The following TBC1D22A variants were observed in gnomAD, a reference collection of about 807,000 sequenced individuals.
TBC1D22A encodes TBC1 domain family member 22A, also known as putative GTPase activator.
Under a neutral mutation model 60.2 loss-of-function variants are expected in TBC1D22A, and 38 were observed. The observed-to-expected ratio is 0.63, with a 90% CI of 0.49 to 0.83. TBC1D22A has a LOEUF of 0.83. Among genes scored for constraint, TBC1D22A ranks in the 40% least tolerant of loss-of-function variants. The probability of loss-of-function intolerance (pLI) is 0.00; values close to 1 mark genes in which losing one functional copy is unlikely to be tolerated. For synonymous variants in TBC1D22A, 302 were observed against 281.7 expected (o/e 1.07, Z -0.72); for missense variants, 628 against 701.0 (o/e 0.90, Z 1.18).
intron 5 of TBC1D22A, among the ~76,000 whole-genome samples, chr22:46,889,417 C>T (rs1044461368): frequency 2.0e-5 from 3 of 152,110 alleles, no homozygotes; most frequent in Non-Finnish European, 2.9e-5. Context: ...CATTGCTTGT[C>T]GGAATGTAAA....
chr22:47,025,709 A>G (rs1015514016), intron 10 of TBC1D22A, among the ~76,000 whole-genome samples: 1 of 152,212 alleles, frequency 6.6e-6, no homozygotes. Context: ...TTTACAGGGA[A>G]ACATATAGTA....
At chr22:47,056,839 G>A (rs576040641) in intron 11 of TBC1D22A, among the ~76,000 whole-genome samples, 2 of 152,192 alleles carry the variant, frequency 1.3e-5, no homozygotes, top group Non-Finnish European at 2.9e-5. Context: ...GTGGGGTCAC[G>A]GCATTTTACC....
chr22:46,770,781 T>C (rs1164946233), intron 1 of TBC1D22A, among the ~76,000 whole-genome samples: 1 of 152,252 alleles, frequency 6.6e-6, no homozygotes, highest in Non-Finnish European at 1.5e-5. Flanking sequence ...TATAAATCTG[T>C]ATTGCCTTTT....
intron 12 of TBC1D22A, among the ~76,000 whole-genome samples, chr22:47,151,604 G>A (rs1474837767): frequency 1.3e-5 from 2 of 152,130 alleles, no homozygotes; most frequent in Non-Finnish European, 2.9e-5. Context: ...CCTCACTGGG[G>A]GTCCTGAGCA....
At chr22:46,861,737 C>G (rs541368830) in intron 4 of TBC1D22A, among the ~76,000 whole-genome samples, 1 of 152,236 alleles carries the variant, frequency 6.6e-6, no homozygotes, top group East Asian at 1.9e-4. Flanking sequence ...TTGTGTATCC[C>G]GGCCGCACTG....
At chr22:46,955,216 T>C (rs1015171582) in intron 8 of TBC1D22A, among the ~76,000 whole-genome samples, 9 of 152,210 alleles carry the variant, frequency 5.9e-5, no homozygotes, top group African/African-American at 2.2e-4. Context: ...TTTGATTTGT[T>C]ATTGAAGTGG....
chr22:46,901,258 G>C (rs2068976505), intron 7 of TBC1D22A, among the ~76,000 whole-genome samples: 1 of 152,232 alleles, frequency 6.6e-6, no homozygotes, highest in Non-Finnish European at 1.5e-5. Context: ...GTGGAAGCCA[G>C]GTTTCTCTTT....
intron 11 of TBC1D22A, among the ~76,000 whole-genome samples, chr22:47,065,562 TAAGAAACAAGTATTA>T (rs2063722045): frequency 6.5e-5 from 3 of 46,176 alleles, no homozygotes; most frequent in Admixed American, 3.0e-4. Context: ...GGGGGAGAGT[TAAGAAACAAGTATTA>T]GTGAAGATTT....
intron 11 of TBC1D22A, among the ~76,000 whole-genome samples, chr22:47,100,624 C>T (rs8142574): frequency 0.019 from 2,911 of 152,290 alleles, 102 homozygotes; most frequent in African/African-American, 0.066. Context: ...CCTCTGCACA[C>T]GCTCTCTCCT....
Position 47,173,714 on chromosome 22 carries a change from G to A in TBC1D22A, c.*88G>A, listed in dbSNP as rs576732383. On this transcript the variant is annotated 3_prime_UTR_variant, in exon 13 of 13. Coordinates refer to ENST00000337137, the MANE Select transcript of TBC1D22A (RefSeq NM_014346.5). Reference sequence around the variant, plus strand: ...TGGTAGGCCCCTGTGAGCTGGTCCCGGGCTGCTAAAAGGCCTTGTGAGGTG... The same window carrying A: ...TGGTAGGCCCCTGTGAGCTGGTCCCAGGCTGCTAAAAGGCCTTGTGAGGTG... 1,633 of 1,585,644 alleles carry A rather than the reference G, an allele frequency of 1.0e-3. No individual in the cohort carries two copies. Among genetic ancestry groups the A allele is most frequent in the Non-Finnish European group, 1.2e-3 (1,450 of 1,164,726 alleles).
chr22:46,895,403 T>C (rs2068620443), intron 7 of TBC1D22A, among the ~76,000 whole-genome samples: 1 of 152,218 alleles, frequency 6.6e-6, no homozygotes, highest in South Asian at 2.1e-4. Context: ...GACAAGAGTC[T>C]TGCTCTGTCG....
intron 11 of TBC1D22A, among the ~76,000 whole-genome samples, chr22:47,083,752 A>C (rs1293179575): frequency 6.6e-6 from 1 of 152,202 alleles, no homozygotes; most frequent in Non-Finnish European, 1.5e-5. Flanking sequence ...ACTGGTGGGA[A>C]GATATTCAAA....
chr22:47,029,302 G>T (rs8139545), intron 10 of TBC1D22A, among the ~76,000 whole-genome samples: 1 of 122,206 alleles, frequency 8.2e-6, no homozygotes, highest in South Asian at 2.5e-4. Flanking sequence ...ACCCCTTCCC[G>T]TGGGGCCCGG....
intron 8 of TBC1D22A, among the ~76,000 whole-genome samples, chr22:46,960,218 T>C (rs1053173944): frequency 2.6e-5 from 4 of 152,228 alleles, no homozygotes; most frequent in African/African-American, 9.6e-5. Flanking sequence ...TGGCCTGTTA[T>C]ATAGTGCCAT....
rs1569248390 is a variant in TBC1D22A at position 46,941,525 on chromosome 22, CGGAATATATATACGGAATATATATACAG to C, written c.1015+29392_1015+29419del. Among the ~76,000 whole-genome samples, 599 of 82,048 alleles carry C rather than the reference CGGAATATATATACGGAATATATATACAG, an allele frequency of 7.3e-3. 3 individuals are homozygous for C. Among genetic ancestry groups the C allele is most frequent in the East Asian group, 0.056 (170 of 3,028 alleles). 53.8% of individuals were successfully genotyped at this position (82,048 alleles called of 152,430 possible). ...AATATATATACGGAATATATATACA[CGGAATATATATACGGAATATATATACAG>C]GGAATATATATACGGAATATATATA... On this transcript the variant is annotated intron_variant, in intron 8 of 12. Coordinates refer to ENST00000337137, the MANE Select transcript of TBC1D22A (RefSeq NM_014346.5).
At chr22:47,016,848 T>A (rs1316578372) in intron 10 of TBC1D22A, among the ~76,000 whole-genome samples, 1 of 147,718 alleles carries the variant, frequency 6.8e-6, no homozygotes. Flanking sequence ...CCTGCAGAGC[T>A]GCTGCGTGGC....
At chr22:46,857,651 C>T (rs1238358626) in intron 4 of TBC1D22A, among the ~76,000 whole-genome samples, 1 of 151,902 alleles carries the variant, frequency 6.6e-6, no homozygotes, top group Admixed American at 6.6e-5. Flanking sequence ...GTAGTCGTTC[C>T]CCACTCCCCC....
intron 1 of TBC1D22A, among the ~76,000 whole-genome samples, chr22:46,767,380 G>T (rs755101183): frequency 6.6e-6 from 1 of 152,222 alleles, no homozygotes; most frequent in Non-Finnish European, 1.5e-5. Context: ...GGCTTAGCAC[G>T]ATTCTCTTTG....
chr22:47,102,227 C>T (rs2065445850), intron 11 of TBC1D22A, among the ~76,000 whole-genome samples: 1 of 152,212 alleles, frequency 6.6e-6, no homozygotes, highest in Non-Finnish European at 1.5e-5. Context: ...TCTTGATTTT[C>T]AGGACAGGCC....
Sources: gnomAD v4.1 joint callset for allele counts (sites outside exome capture counted in the v4.1 genomes callset) on GRCh38, gnomAD v4.1.1 for gene constraint, MANE v1.5 for transcripts, NCBI Gene and HGNC (gene_info 2026-07-23, HGNC 2026-07-21) for gene names.